Variants in NCALD observed in about 807,000 individuals in gnomAD.
The protein encoded by NCALD is neurocalcin delta.
NCALD carries 10 observed loss-of-function variants against 18.6 expected under a neutral mutation model. That is an observed-to-expected ratio of 0.54 (90% CI 0.33 to 0.91). NCALD has a LOEUF of 0.91. Among genes scored for constraint, NCALD ranks in the 40% least tolerant of loss-of-function variants. The pLI, the probability that NCALD is intolerant of heterozygous loss-of-function variation, is 0.03. For missense variants in NCALD, 184 were observed against 247.6 expected (o/e 0.74, Z 1.72); for synonymous variants, 88 against 87.4 (o/e 1.01, Z -0.04).
chr8:101,923,900 A>G (rs1818252153), intron 2 of NCALD, among the ~76,000 whole-genome samples: 2 of 152,202 alleles, frequency 1.3e-5, no homozygotes, highest in African/African-American at 4.8e-5. Context: ...TGATAATGTT[A>G]TTAGAAAGAT....
At chr8:101,693,114 C>A (rs1163138350) in intron 2 of NCALD, 1 of 443,626 alleles carries the variant, frequency 2.3e-6, no homozygotes, top group Non-Finnish European at 4.2e-6. Flanking sequence ...GGAGGGACAA[C>A]CAGCAGGAAG....
At chr8:102,113,228 T>C (rs1482219765) in intron 1 of NCALD, among the ~76,000 whole-genome samples, 2 of 152,138 alleles carry the variant, frequency 1.3e-5, no homozygotes, top group Non-Finnish European at 2.9e-5. Flanking sequence ...CAACCAGAAA[T>C]ACAAAGACAA....
At chr8:102,009,237 C>A (rs11777031) in intron 2 of NCALD, among the ~76,000 whole-genome samples, 1 of 151,726 alleles carries the variant, frequency 6.6e-6, no homozygotes, top group African/African-American at 2.4e-5. Flanking sequence ...GTCCAATGAC[C>A]TTTCTATTAA....
chr8:101,772,290 T>C (rs1383025589), intron 1 of NCALD, among the ~76,000 whole-genome samples: 1 of 152,212 alleles, frequency 6.6e-6, no homozygotes, highest in Non-Finnish European at 1.5e-5. Context: ...CTAGCAAATA[T>C]GTTTATCCTG....
chr8:101,853,426 T>G (rs1223754545), intron 4 of NCALD, among the ~76,000 whole-genome samples: 4 of 152,250 alleles, frequency 2.6e-5, no homozygotes, highest in South Asian at 4.1e-4. Context: ...TATGGCAATT[T>G]TGGTGTCAGA....
At chr8:102,124,896 T>C (rs1826060888), upstream of NCALD, 1 of 152,118 alleles carries the variant, frequency 6.6e-6, no homozygotes, top group Non-Finnish European at 1.5e-5. Context: ...GGAAGACATC[T>C]AAGGGGCCCC....
At chr8:102,016,019 C>T (rs1381892878) in intron 2 of NCALD, among the ~76,000 whole-genome samples, 1 of 152,048 alleles carries the variant, frequency 6.6e-6, no homozygotes, top group African/African-American at 2.4e-5. Context: ...ACCTCCCAAA[C>T]TTCATTTCAT....
At chr8:101,691,300 T>G (rs547540901) in intron 3 of NCALD, 1 of 985,398 alleles carries the variant, frequency 1.0e-6, no homozygotes, top group East Asian at 1.1e-4. Flanking sequence ...ATTTTAAACA[T>G]GAGGTTTTCC....
chr8:101,692,671 G>A, intron 3 of NCALD, 120 bp downstream of exon 3: 1 of 1,388,250 alleles, frequency 7.2e-7, no homozygotes, highest in Non-Finnish European at 9.7e-7. Flanking sequence ...TACCCACCCA[G>A]GAGGCTTGGA....
chr8:101,829,540 G>C (rs935361574), intron 4 of NCALD, among the ~76,000 whole-genome samples: 21 of 152,040 alleles, frequency 1.4e-4, no homozygotes, highest in Admixed American at 2.6e-4. Flanking sequence ...CTTTTATCTG[G>C]CTCAATCTCT....
intron 2 of NCALD, among the ~76,000 whole-genome samples, chr8:101,710,456 A>G (rs1815733599): frequency 6.6e-6 from 1 of 152,208 alleles, no homozygotes; most frequent in Non-Finnish European, 1.5e-5. Flanking sequence ...CCAGGGAGCC[A>G]AGTGGTCTTG....
intron 2 of NCALD, among the ~76,000 whole-genome samples, chr8:101,967,408 C>T (rs1174694314): frequency 6.6e-6 from 1 of 152,180 alleles, no homozygotes; most frequent in Non-Finnish European, 1.5e-5. Flanking sequence ...AAGATCAATT[C>T]CTCTTTTGGT....
chr8:101,846,512 A>T (rs1482068780), intron 4 of NCALD, among the ~76,000 whole-genome samples: 1 of 152,072 alleles, frequency 6.6e-6, no homozygotes, highest in Non-Finnish European at 1.5e-5. Context: ...AGCTCCCCCT[A>T]CACCCAGCAA....
chr8:102,060,676 GT>G (rs1563583490), intron 1 of NCALD, among the ~76,000 whole-genome samples: 1 of 152,120 alleles, frequency 6.6e-6, no homozygotes, highest in Admixed American at 6.5e-5. Flanking sequence ...TGCCAGGCAA[GT>G]ACGGAAAATT....
intron 1 of NCALD, among the ~76,000 whole-genome samples, chr8:102,050,753 A>C (rs953302426): frequency 3.4e-5 from 5 of 146,730 alleles, no homozygotes; most frequent in African/African-American, 4.9e-5. Flanking sequence ...TATAATTTAT[A>C]TATAAATATA....
At chr8:102,109,505 A>C (rs1259199445) in intron 1 of NCALD, among the ~76,000 whole-genome samples, 1 of 152,208 alleles carries the variant, frequency 6.6e-6, no homozygotes, top group African/African-American at 2.4e-5. Context: ...ACCCTGTCAA[A>C]GTGCAGAGCA....
At chr8:101,967,468 C>T (rs535403424) in intron 2 of NCALD, among the ~76,000 whole-genome samples, 2 of 152,184 alleles carry the variant, frequency 1.3e-5, no homozygotes, top group African/African-American at 4.8e-5. Context: ...GACAGGAATC[C>T]TAGGGGCCCA....
chr8:101,899,279 G>GT (rs1056281377), intron 3 of NCALD, among the ~76,000 whole-genome samples: 1 of 151,838 alleles, frequency 6.6e-6, no homozygotes, highest in South Asian at 2.1e-4. Context: ...GTTCTAAGAG[G>GT]TTTTTTCTTT....
chr8:101,770,152 G>C (rs1015788604), intron 1 of NCALD, among the ~76,000 whole-genome samples: 1 of 152,166 alleles, frequency 6.6e-6, no homozygotes, highest in Admixed American at 6.5e-5. Flanking sequence ...CAGGAAGAGA[G>C]CTTTGATTTT....
Sources: gnomAD v4.1 joint callset for allele counts (sites outside exome capture counted in the v4.1 genomes callset) on GRCh38, gnomAD v4.1.1 for gene constraint, MANE v1.5 for transcripts, NCBI Gene and HGNC (gene_info 2026-07-23, HGNC 2026-07-21) for gene names.